The following ATP6V0E2 variants were observed in gnomAD, a reference collection of about 807,000 sequenced individuals.
ATP6V0E2 encodes the protein ATPase H+ transporting V0 subunit e2.
A neutral mutation model predicts 11.5 loss-of-function variants in ATP6V0E2; 4 were observed. That is an observed-to-expected ratio of 0.35 (90% CI 0.17 to 0.80). The LOEUF (loss-of-function observed/expected upper bound fraction) is 0.80, where lower values mean the gene tolerates loss of function less well. ATP6V0E2 is among the 30% of genes least tolerant of loss of function. The pLI is 0.53. For synonymous variants in ATP6V0E2, 52 were observed against 51.0 expected, an observed-to-expected ratio of 1.02 and a Z score of -0.09; for missense variants, 93 against 113.5, an observed-to-expected ratio of 0.82 and a Z score of 0.82.
intron 2 of ATP6V0E2, chr7:149,876,209 C>G: frequency 2.5e-6 from 1 of 404,430 alleles, no homozygotes; most frequent in Non-Finnish European, 5.0e-6. Context: ...AACTCCGTCT[C>G]TACTAAAAAT....
At chr7:149,875,685 T>C (rs1278701501) in intron 2 of ATP6V0E2, 40 bp downstream of exon 2, 11 of 1,595,242 alleles carry the variant, frequency 6.9e-6, no homozygotes, top group Non-Finnish European at 9.4e-6. Context: ...AGCCAGTTCC[T>C]TTGTCCTCCC....
chr7:149,879,530 CA>C lies in ATP6V0E2; in HGVS notation c.*216del. On this transcript the variant is annotated 3_prime_UTR_variant, in exon 4 of 4. Coordinates refer to ENST00000425642, the MANE Select transcript of ATP6V0E2 (RefSeq NM_145230.4). ...CCCGGGCCCTGGGGAGCCCTGGGCA[CA>C]GCAGCGGCCGAGGGGATGTCCTGCT... 3 of 1,566,908 alleles carry C rather than the reference CA, an allele frequency of 1.9e-6. No homozygotes were observed. Among genetic ancestry groups the C allele is most frequent in the Non-Finnish European group, 2.6e-6 (3 of 1,157,162 alleles).
rs982792214 is a variant in ATP6V0E2 at position 149,879,148 on chromosome 7, C to G, written c.*20-187C>G. On this transcript the variant is annotated intron_variant, in intron 3 of 3. Coordinates refer to ENST00000425642, the MANE Select transcript of ATP6V0E2 (RefSeq NM_145230.4). ...ATGGGAACCATGCTCCCAGCACCCC[C>G]CTCCCCCATCCTCACAGCGCTTCAC... is the stretch of plus-strand genomic sequence containing the variant. The G allele has an allele frequency of 5.0e-6, 7 of 1,398,470 alleles. No individual in the cohort carries two copies. In the East Asian group the frequency reaches 1.4e-4, roughly 27 times the overall value. 86.6% of individuals were successfully genotyped at this position (1,398,470 alleles called of 1,614,324 possible).
rs1803091389 is a variant in ATP6V0E2 at position 149,875,710 on chromosome 7, C to G, written c.152+65C>G. The G allele has an allele frequency of 2.7e-6, 4 of 1,479,112 alleles. No homozygotes were observed. In the Admixed American group the frequency reaches 7.0e-5, roughly 26 times the overall value. The allele number at this position is 1,479,112 out of a possible 1,614,324, so 91.6% of individuals were successfully genotyped here. On this transcript the variant is annotated intron_variant, in intron 2 of 3. Transcript: ENST00000425642. Reference sequence around the variant, plus strand: ...TTTGTCCTCCCTCCTTTCCTCCTCACCCTAGCCTGCTCTTCCTTCTGTCCT... The same window carrying G: ...TTTGTCCTCCCTCCTTTCCTCCTCAGCCTAGCCTGCTCTTCCTTCTGTCCT...
intron 3 of ATP6V0E2, chr7:149,879,120 G>A (rs1306282189): frequency 5.7e-6 from 8 of 1,399,050 alleles, no homozygotes; most frequent in African/African-American, 2.9e-5. Flanking sequence ...CGCCAGGGAT[G>A]AAATGGGAAC....
chr7:149,873,754 C>A, upstream of ATP6V0E2: 1 of 907,512 alleles, frequency 1.1e-6, no homozygotes, highest in Non-Finnish European at 1.6e-6. Flanking sequence ...GTGACGTTGG[C>A]TGTGCGGGCG....
rs1200939942 is a variant in ATP6V0E2, at chr7:149,880,125, A to G, written c.*810A>G. 6.5e-6 allele frequency: 1 copy of G among 154,442 alleles called. No homozygotes were observed. 9.6% of individuals were successfully genotyped at this position (154,442 alleles called of 1,614,324 possible). ...AGCCTCTCATGGCAGCATCTAAGTG[A>G]CCAGAGCTGGGATGAGAGAGGGGAA... On this transcript the variant is annotated 3_prime_UTR_variant, in exon 4 of 4. Coordinates refer to ENST00000425642, the MANE Select transcript of ATP6V0E2 (RefSeq NM_145230.4).
rs1803422878 is a variant in ATP6V0E2, at chr7:149,880,689, GA to G, written c.*1378del. The G allele has an allele frequency of 6.6e-6, 1 of 152,340 alleles. No homozygotes were observed. 9.4% of individuals were successfully genotyped at this position (152,340 alleles called of 1,614,324 possible). On this transcript the variant is annotated 3_prime_UTR_variant, in exon 4 of 4. Transcript: ENST00000425642. ...TTCATATATAATAAATAATGGTGAT[GA>G]AAAGATTACTGTTTGGTGACAAAGC...
In ATP6V0E2 at chr7:149,874,015, C is replaced by T; in HGVS notation, c.-51C>T. On this transcript the variant is annotated 5_prime_UTR_variant, in exon 1 of 4. It introduces an in-frame stop codon into an upstream open reading frame of the 5' UTR. Coordinates refer to ENST00000425642, the MANE Select transcript of ATP6V0E2 (RefSeq NM_145230.4). ...GCCCGGCTGGGGACCCGCGCACCTGCAGCGCCCGCTGCTCGGCCCTGCATC... is the reference window on the plus strand; with the variant it reads ...GCCCGGCTGGGGACCCGCGCACCTGTAGCGCCCGCTGCTCGGCCCTGCATC... The T allele has an allele frequency of 6.5e-7, 1 of 1,547,426 alleles. No individual in the cohort carries two copies. The highest frequency in any genetic ancestry group is 8.7e-7 in the Non-Finnish European group (1 of 1,145,990).
Position 149,879,651 on chromosome 7 carries a change from CA to C in ATP6V0E2, c.*337del. 6.9e-7 allele frequency: 1 copy of C among 1,457,146 alleles called. No homozygotes were observed. Among genetic ancestry groups the C allele is most frequent in the Non-Finnish European group, 9.1e-7 (1 of 1,101,888 alleles). The allele number at this position is 1,457,146 out of a possible 1,614,324, so 90.3% of individuals were successfully genotyped here. ...GGGGTCTTTCCCTTTACAGACGGGG[CA>C]GATGCCAGGACTCAGCCCATCCTGA... is the stretch of plus-strand genomic sequence containing the variant. On this transcript the variant is annotated 3_prime_UTR_variant, in exon 4 of 4. Transcript: ENST00000425642.
intron 1 of ATP6V0E2, 56 bp from the exon 2 acceptor site, chr7:149,875,542 A>G (rs1803078437): frequency 1.3e-6 from 2 of 1,582,994 alleles, no homozygotes; most frequent in Admixed American, 3.3e-5. Context: ...GGTCCTGGCC[A>G]GGCCTTGTGA....
At chr7:149,874,293 C>A in intron 1 of ATP6V0E2, 124 bp downstream of exon 1, 1 of 1,284,190 alleles carries the variant, frequency 7.8e-7, no homozygotes, top group Non-Finnish European at 1.0e-6. Context: ...ACGCCAGGAC[C>A]CCGGACGCCA....
At chr7:149,878,903 A>G in intron 3 of ATP6V0E2, 113 bp downstream of exon 3, 1 of 183,206 alleles carries the variant, frequency 5.5e-6, no homozygotes, top group South Asian at 5.8e-5. Flanking sequence ...AGCAGATGGC[A>G]GGGCCTGTGT....
At chr7:149,878,245 G>A (rs954927909) in intron 2 of ATP6V0E2, among the ~76,000 whole-genome samples, 3 of 152,220 alleles carry the variant, frequency 2.0e-5, no homozygotes, top group East Asian at 1.9e-4. Flanking sequence ...AGCTCCTCAC[G>A]TCTTGGGGTA....
intron 2 of ATP6V0E2, chr7:149,876,223 A>G: frequency 2.6e-6 from 1 of 391,876 alleles, no homozygotes; most frequent in Non-Finnish European, 5.1e-6. Context: ...TAAAAATACA[A>G]AAATTAGCCA....
intron 1 of ATP6V0E2, 100 bp downstream of exon 1, chr7:149,874,269 C>T: frequency 7.1e-7 from 1 of 1,408,588 alleles, no homozygotes; most frequent in Admixed American, 2.8e-5. Flanking sequence ...CTGCAGCGAG[C>T]GTCCGCAGGA....
chr7:149,879,341 A>C lies in ATP6V0E2; in HGVS notation c.*26A>C, dbSNP rs1459519962. 2 of 1,535,084 alleles carry C rather than the reference A, an allele frequency of 1.3e-6. No homozygotes were observed. Among genetic ancestry groups the C allele is most frequent in the Non-Finnish European group, 1.8e-6 (2 of 1,137,364 alleles). On this transcript the variant is annotated 3_prime_UTR_variant, in exon 4 of 4. Coordinates refer to ENST00000425642, the MANE Select transcript of ATP6V0E2 (RefSeq NM_145230.4). Reference sequence around the variant, plus strand: ...CATGTGATGTGCTTTTCAGGTGCCCAGCTCTCGGAATGACTGTGGCTCCAC... The same window carrying C: ...CATGTGATGTGCTTTTCAGGTGCCCCGCTCTCGGAATGACTGTGGCTCCAC...
At chr7:149,876,840 G>C (rs1248518491) in intron 2 of ATP6V0E2, among the ~76,000 whole-genome samples, 2 of 152,206 alleles carry the variant, frequency 1.3e-5, no homozygotes, top group African/African-American at 4.8e-5. Flanking sequence ...GTAAAGTGAT[G>C]AGATGCTCAT....
chr7:149,876,101 G>C (rs1358566834), intron 2 of ATP6V0E2: 1 of 457,498 alleles, frequency 2.2e-6, no homozygotes, highest in South Asian at 1.5e-5. Context: ...TGAGAGGCCA[G>C]ACGTGGCGGC....
Sources: allele counts gnomAD v4.1 joint callset (sites outside exome capture counted in the v4.1 genomes callset), GRCh38; gene constraint gnomAD v4.1.1; transcripts MANE v1.5; gene names NCBI Gene and HGNC (gene_info 2026-07-23, HGNC 2026-07-21).